Variants in BTBD9 observed in about 807,000 individuals in gnomAD.
The protein encoded by BTBD9 is BTB/POZ domain-containing protein 9.
BTBD9 carries 49 observed loss-of-function variants against 64.3 expected under a neutral mutation model. The observed-to-expected ratio is 0.76, with a 90% CI of 0.61 to 0.97. The LOEUF is 0.97. BTBD9 is among the 50% of genes least tolerant of loss of function. The probability of loss-of-function intolerance (pLI) is 0.00; values close to 1 mark genes in which losing one functional copy is unlikely to be tolerated. For synonymous variants in BTBD9, 260 were observed against 274.7 expected (o/e 0.95, Z 0.53); for missense variants, 598 against 762.1 (o/e 0.78, Z 2.53).
At position 38,594,293 on chromosome 6, in the gene BTBD9, G is replaced by C; in HGVS notation, c.220C>G (p.Pro74Ala). The C allele has an allele frequency of 6.2e-7, 1 of 1,613,704 alleles. No individual in the cohort carries two copies. The highest frequency in any genetic ancestry group is 8.5e-7 in the Non-Finnish European group (1 of 1,179,686). Residue 74 changes from proline (P) to alanine (A), a missense_variant, in exon 3 of 11, where the codon CCT (proline) becomes GCT (alanine). Pro to Ala is a conservative substitution (Grantham distance 27). Coordinates refer to ENST00000481247, the MANE Select transcript of BTBD9 (RefSeq NM_001099272.2). The stretch of plus-strand genomic sequence containing the variant: ...TCTTGGAGAGGAATTTCTGCTTCAG[G>C]CTGAGACTCTCGCATTCCACCATAT... The part of the protein sequence containing the change: ...LLYGGMRESQ[P>A]EAEIPLQDTT...
chr6:38,339,965 C>T (rs114413124), intron 7 of BTBD9, among the ~76,000 whole-genome samples: 2,325 of 152,148 alleles, frequency 0.015, 41 homozygotes, highest in Middle Eastern at 0.041. Context: ...AAACTCATTT[C>T]GGTAATCATA....
chr6:38,445,415 A>G (rs1562197358), intron 6 of BTBD9, among the ~76,000 whole-genome samples: 1 of 152,238 alleles, frequency 6.6e-6, no homozygotes, highest in Non-Finnish European at 1.5e-5. Flanking sequence ...GAGAAAGTCA[A>G]AGTCTACCAG....
intron 9 of BTBD9, among the ~76,000 whole-genome samples, chr6:38,243,332 T>C (rs1582103099): frequency 1.3e-5 from 2 of 152,198 alleles, no homozygotes; most frequent in Admixed American, 1.3e-4. Flanking sequence ...AGATAGAAGA[T>C]GACCCAGGTA....
intron 4 of BTBD9, among the ~76,000 whole-genome samples, chr6:38,582,183 T>A (rs1335909446): frequency 6.6e-6 from 1 of 152,098 alleles, no homozygotes; most frequent in Non-Finnish European, 1.5e-5. Context: ...CCAGCAAAAA[T>A]AAACAAAACA....
At chr6:38,375,944 AAAGAAG>A (rs879562057) in intron 6 of BTBD9, among the ~76,000 whole-genome samples, 12,262 of 104,352 alleles carry the variant, frequency 0.12, 692 homozygotes, top group East Asian at 0.4. Flanking sequence ...AGAAAGAAGG[AAAGAAG>A]GAAAGAAAGA....
intron 6 of BTBD9, among the ~76,000 whole-genome samples, chr6:38,369,221 T>C (rs1350213450): frequency 6.6e-6 from 1 of 152,208 alleles, no homozygotes; most frequent in Non-Finnish European, 1.5e-5. Context: ...CTGCCTCTAC[T>C]CTTGCCATCC....
At chr6:38,263,183 TA>T (rs1764852258) in intron 8 of BTBD9, among the ~76,000 whole-genome samples, 2 of 152,362 alleles carry the variant, frequency 1.3e-5, no homozygotes, top group Middle Eastern at 3.4e-3. Context: ...AAAGATCCTT[TA>T]AGTTCTTCAG....
chr6:38,485,829 A>C (rs895328639), intron 6 of BTBD9, among the ~76,000 whole-genome samples: 9 of 152,200 alleles, frequency 5.9e-5, no homozygotes, highest in African/African-American at 1.9e-4. Context: ...TGTCCTTTGA[A>C]GCTTTAAAGC....
At chr6:38,208,147 A>C (rs12215707) in intron 9 of BTBD9, among the ~76,000 whole-genome samples, 55,251 of 152,014 alleles carry the variant, frequency 0.36, 10,841 homozygotes, top group Non-Finnish European at 0.44. Context: ...AAAGGGAAGA[A>C]ATAATAAAAG....
At chr6:38,463,083 G>A (rs1381379039) in intron 6 of BTBD9, among the ~76,000 whole-genome samples, 15 of 152,072 alleles carry the variant, frequency 9.9e-5, no homozygotes, top group Admixed American at 9.2e-4. Flanking sequence ...GGCATGAGCC[G>A]ATGCGCCTGG....
intron 6 of BTBD9, among the ~76,000 whole-genome samples, chr6:38,484,222 AAACTAG>A (rs1161837103): frequency 6.6e-6 from 1 of 152,230 alleles, no homozygotes; most frequent in Non-Finnish European, 1.5e-5. Context: ...CAGACCTATG[AAACTAG>A]AACTAGAATT....
At chr6:38,561,572 A>C (rs1210877086) in intron 6 of BTBD9, among the ~76,000 whole-genome samples, 1 of 152,248 alleles carries the variant, frequency 6.6e-6, no homozygotes, top group African/African-American at 2.4e-5. Context: ...GGACTGGATA[A>C]AGAAAATATG....
At chr6:38,530,599 G>C (rs550756800) in intron 6 of BTBD9, among the ~76,000 whole-genome samples, 1 of 97,376 alleles carries the variant, frequency 1.0e-5, no homozygotes, top group East Asian at 2.1e-4. Context: ...TTGAAATATT[G>C]GGGGTGGGTT....
chr6:38,325,705 A>G (rs1763399128), intron 7 of BTBD9, among the ~76,000 whole-genome samples: 1 of 152,290 alleles, frequency 6.6e-6, no homozygotes, highest in South Asian at 2.1e-4. Flanking sequence ...AAACAAAACA[A>G]AACAAACAAA....
intron 1 of BTBD9, among the ~76,000 whole-genome samples, chr6:38,622,561 T>G (rs745594064): frequency 6.6e-6 from 1 of 152,162 alleles, no homozygotes; most frequent in Non-Finnish European, 1.5e-5. Flanking sequence ...AAAAATACCC[T>G]AATAGGATAC....
At chr6:38,390,156 T>C (rs9380742) in intron 6 of BTBD9, among the ~76,000 whole-genome samples, 57,552 of 152,036 alleles carry the variant, frequency 0.38, 13,297 homozygotes, top group East Asian at 0.87. Context: ...CCTCGGGATG[T>C]AGAGATACTT....
At chr6:38,235,302 G>A (rs1763739901) in intron 9 of BTBD9, among the ~76,000 whole-genome samples, 1 of 152,184 alleles carries the variant, frequency 6.6e-6, no homozygotes, top group Admixed American at 6.5e-5. Flanking sequence ...CAGTAAAATG[G>A]GAGTCTTGAG....
intron 9 of BTBD9, among the ~76,000 whole-genome samples, chr6:38,231,121 A>G (rs1763591672): frequency 1.3e-5 from 2 of 152,360 alleles, no homozygotes; most frequent in South Asian, 4.1e-4. Flanking sequence ...ATTGGGAGAA[A>G]TCAAATACAT....
At chr6:38,607,388 A>G (rs537187211) in intron 1 of BTBD9, among the ~76,000 whole-genome samples, 1 of 152,296 alleles carries the variant, frequency 6.6e-6, no homozygotes, top group African/African-American at 2.4e-5. Flanking sequence ...TCATATGTTC[A>G]TATGTGGAGC....
Sources: allele counts gnomAD v4.1 joint callset (sites outside exome capture counted in the v4.1 genomes callset), GRCh38; gene constraint gnomAD v4.1.1; transcripts MANE v1.5; gene names NCBI Gene and HGNC (gene_info 2026-07-23, HGNC 2026-07-21).